The following ZNF184 variants were observed in gnomAD, a reference collection of about 807,000 sequenced individuals.
The protein encoded by ZNF184 is zinc finger protein 184.
ZNF184 carries 16 observed loss-of-function variants against 54.4 expected under a neutral mutation model. That is an observed-to-expected ratio of 0.29 (90% CI 0.20 to 0.45). ZNF184 has a LOEUF of 0.45. Ranked by LOEUF, ZNF184 falls within the 20% of genes least tolerant of loss-of-function variation. ZNF184 has a pLI of 1.00. For missense variants in ZNF184, 681 were observed against 888.2 expected, an observed-to-expected ratio of 0.77 and a Z score of 2.97; for synonymous variants, 254 against 295.3, an observed-to-expected ratio of 0.86 and a Z score of 1.43.
chr6:27,452,189 T>C lies in ZNF184; in HGVS notation c.1370A>G (p.Tyr457Cys). 1 of 1,614,136 alleles carries C rather than the reference T, an allele frequency of 6.2e-7. No individual in the cohort carries two copies. The highest frequency in any genetic ancestry group is 8.5e-7 in the Non-Finnish European group (1 of 1,180,004). The part of the protein sequence containing the change: ...DCAECGKSFS[Y>C]WSSLAQHLKI... ...CAGGTGTTGAGCAAGGGATGACCAG[T>C]AACTAAAAGATTTTCCACATTCTGC... is the stretch of plus-strand genomic sequence containing the variant. Residue 457 changes from tyrosine (Y) to cysteine (C), a missense_variant, in exon 6 of 6, where the codon TAC becomes TGC. By Grantham distance (194) the Tyr-to-Cys change is radical. Coordinates refer to ENST00000683788, the MANE Select transcript of ZNF184 (RefSeq NM_001318891.2). The surrounding 1 kb of genome is among the most constrained non-coding windows in gnomAD (Gnocchi z 5.5).
At chr6:27,408,921 T>G in the ZNF184 span, among the ~76,000 whole-genome samples, 1 of 152,184 alleles carries the variant, frequency 6.6e-6, no homozygotes, top group Non-Finnish European at 1.5e-5. Context: ...AAACAATGAT[T>G]AACCTGATAG....
In ZNF184 at chr6:27,453,224, G is replaced by A. The variant is rs1762778789; in HGVS notation, c.335C>T (p.Pro112Leu). 6.2e-7 allele frequency: 1 copy of A among 1,609,878 alleles called. No homozygotes were observed. Among genetic ancestry groups the A allele is most frequent in the African/African-American group, 1.3e-5 (1 of 74,572 alleles). The change falls in exon 6 of 6, where the codon CCA becomes CTA. Residue 112 changes from proline (P) to leucine (L), a missense_variant. By Grantham distance (98) the Pro-to-Leu change is moderately conservative. Coordinates refer to ENST00000683788, the MANE Select transcript of ZNF184 (RefSeq NM_001318891.2). The surrounding 1 kb of genome is among the most constrained non-coding windows in gnomAD (Gnocchi z 4.7). ...CTCTTCTTCAGAAATGTCAGGCTCT[G>A]GGGCTGACACACTATTTTCAAGTCT... is the stretch of plus-strand genomic sequence containing the variant. ...ETRLENSVSA[P>L]EPDISEEELS...
chr6:27,422,221 G>GAAAGA, the ZNF184 span, among the ~76,000 whole-genome samples: 5 of 126,618 alleles, frequency 3.9e-5, no homozygotes, highest in Non-Finnish European at 5.1e-5. Flanking sequence ...AGAAAGAAAA[G>GAAAGA]AAAAGAAATT....
intron 2 of ZNF184, among the ~76,000 whole-genome samples, chr6:27,469,438 A>C (rs6938689): frequency 0.65 from 98,520 of 151,502 alleles, 32,297 homozygotes; most frequent in Middle Eastern, 0.75. Flanking sequence ...GTCAGGAGTT[A>C]GAGACCAGCC....
In ZNF184 at chr6:27,450,753, T is replaced by G. The variant is rs1762693133; in HGVS notation, c.*550A>C. 1 of 151,616 alleles carries G rather than the reference T, an allele frequency of 6.6e-6. No individual in the cohort carries two copies. Among genetic ancestry groups the G allele is most frequent in the African/African-American group, 2.4e-5 (1 of 41,268 alleles). 9.4% of individuals were successfully genotyped at this position (151,616 alleles called of 1,614,324 possible). On this transcript the variant is annotated 3_prime_UTR_variant, in exon 6 of 6. Coordinates refer to ENST00000683788, the MANE Select transcript of ZNF184 (RefSeq NM_001318891.2). ...TATTAAAAACAGACTAGAAGAAGAA[T>G]AATAGTAAGTTTTAATATTCTTACT...
chr6:27,451,496 T>A lies in ZNF184; in HGVS notation c.2063A>T (p.His688Leu). 2 of 1,614,204 alleles carry A rather than the reference T, an allele frequency of 1.2e-6. No homozygotes were observed. The highest frequency in any genetic ancestry group is 1.7e-6 in the Non-Finnish European group (2 of 1,180,014). Residue 688 changes from histidine (H) to leucine (L), a missense_variant, in exon 6 of 6, where the codon CAT (histidine) becomes CTT (leucine). Physicochemically the swap from His to Leu is moderately conservative, Grantham distance 99 (BLOSUM62 -3). Coordinates refer to ENST00000683788, the MANE Select transcript of ZNF184 (RefSeq NM_001318891.2). ...TTTCTCTCCAGTATGAGTATTCTGATGTTCAGTCAGATGAGTGCTCCGGCT... is the reference window on the plus strand; with the variant it reads ...TTTCTCTCCAGTATGAGTATTCTGAAGTTCAGTCAGATGAGTGCTCCGGCT... ...AFSRSTHLTEHQNTHTGEKPY... is the reference protein window; with the variant it reads ...AFSRSTHLTELQNTHTGEKPY...
chr6:27,466,993 G>C (rs1407649010), intron 3 of ZNF184, among the ~76,000 whole-genome samples: 1 of 152,136 alleles, frequency 6.6e-6, no homozygotes, highest in Non-Finnish European at 1.5e-5. Context: ...TGTACCACTT[G>C]CCATAATCCA....
chr6:27,450,426 A>C (rs1762687778), downstream of ZNF184, among the ~76,000 whole-genome samples: 1 of 152,084 alleles, frequency 6.6e-6, no homozygotes, highest in Non-Finnish European at 1.5e-5. Context: ...TAGTCTTATA[A>C]AGAGATATGA....
chr6:27,465,259 C>G (rs1021428696), intron 3 of ZNF184, among the ~76,000 whole-genome samples: 42 of 150,522 alleles, frequency 2.8e-4, no homozygotes, highest in African/African-American at 1.0e-3. Context: ...GCGAGGCGGG[C>G]GGATCACGAA....
At chr6:27,443,028 C>G in the ZNF184 span, among the ~76,000 whole-genome samples, 1 of 152,120 alleles carries the variant, frequency 6.6e-6, no homozygotes, top group East Asian at 1.9e-4. Context: ...ATTTTTGATT[C>G]AAAATGTTCC....
At chr6:27,454,501 GTA>G (rs1381307781) in intron 5 of ZNF184, among the ~76,000 whole-genome samples, 2 of 152,202 alleles carry the variant, frequency 1.3e-5, no homozygotes, top group Non-Finnish European at 2.9e-5. Context: ...ACCAAGGAAG[GTA>G]TGTTTGCAAA....
chr6:27,408,266 G>C, the ZNF184 span, among the ~76,000 whole-genome samples: 2 of 152,158 alleles, frequency 1.3e-5, no homozygotes. Flanking sequence ...TGAATAATTG[G>C]AGCTGAGAAC....
chr6:27,433,515 T>C, the ZNF184 span, among the ~76,000 whole-genome samples: 1 of 152,226 alleles, frequency 6.6e-6, no homozygotes, highest in African/African-American at 2.4e-5. Context: ...TCCTAACTGC[T>C]GGAAACTGTA....
chr6:27,443,947 T>G, the ZNF184 span, among the ~76,000 whole-genome samples: 1 of 152,150 alleles, frequency 6.6e-6, no homozygotes, highest in African/African-American at 2.4e-5. Flanking sequence ...TTCAGCTTAC[T>G]CCACTCCTGC....
At chr6:27,464,628 C>T (rs1427748379) in intron 3 of ZNF184, among the ~76,000 whole-genome samples, 1 of 152,036 alleles carries the variant, frequency 6.6e-6, no homozygotes, top group Non-Finnish European at 1.5e-5. Flanking sequence ...TCAAAAGTCA[C>T]ATTATATTTA....
intron 3 of ZNF184, among the ~76,000 whole-genome samples, chr6:27,459,817 T>C (rs2113722759): frequency 6.6e-6 from 1 of 152,300 alleles, no homozygotes; most frequent in South Asian, 2.1e-4. Flanking sequence ...CTAAAACACT[T>C]TATATAGATA....
At chr6:27,406,763 T>C in the ZNF184 span, 1 of 152,450 alleles carries the variant, frequency 6.6e-6, no homozygotes, top group African/African-American at 2.4e-5. Flanking sequence ...TGGCCCACCC[T>C]TGGGGCCCAA....
the ZNF184 span, among the ~76,000 whole-genome samples, chr6:27,420,220 C>T: frequency 6.6e-6 from 1 of 152,084 alleles, no homozygotes; most frequent in Admixed American, 6.6e-5. Flanking sequence ...TCCCAGGTAC[C>T]CAACAAACAT....
chr6:27,424,230 G>A, the ZNF184 span, among the ~76,000 whole-genome samples: 2 of 152,170 alleles, frequency 1.3e-5, no homozygotes, highest in African/African-American at 2.4e-5. Flanking sequence ...GAGGTCTCTG[G>A]TTTCAGGAAT....
Sources: gnomAD v4.1 joint callset for allele counts (sites outside exome capture counted in the v4.1 genomes callset) on GRCh38, gnomAD v4.1.1 for gene constraint, Gnocchi (gnomAD v3.1) non-coding constraint, MANE v1.5 for transcripts, NCBI Gene and HGNC (gene_info 2026-07-23, HGNC 2026-07-21) for gene names.